PELI2: variants seen among roughly 807,000 people sequenced by gnomAD.
PELI2 encodes the protein pellino E3 ubiquitin protein ligase family member 2, also known as E3 ubiquitin-protein ligase pellino homolog 2.
PELI2 carries 23 observed loss-of-function variants against 42.3 expected under a neutral mutation model. The ratio of observed to expected loss-of-function variants is 0.54; its 90% CI spans 0.39 to 0.77. The LOEUF is 0.77. PELI2 is among the 30% of genes least tolerant of loss of function. The pLI is 0.00. For synonymous variants in PELI2, 245 were observed against 212.2 expected, an observed-to-expected ratio of 1.15 and a Z score of -1.34; for missense variants, 463 against 553.2, an observed-to-expected ratio of 0.84 and a Z score of 1.64.
chr14:56,172,114 AC>A (rs1271200598), intron 1 of PELI2, among the ~76,000 whole-genome samples: 1 of 152,086 alleles, frequency 6.6e-6, no homozygotes. Flanking sequence ...GTAACCACCT[AC>A]CCCAAACTTA....
chr14:56,197,042 T>A lies in PELI2; in HGVS notation c.207+18578T>A, dbSNP rs242402. 1.2e-5 allele frequency among the ~76,000 whole-genome samples: 1 copy of A among 81,566 alleles called. No individual in the cohort carries two copies. The highest frequency in any genetic ancestry group is 3.6e-5 in the Non-Finnish European group (1 of 27,634). 53.5% of individuals were successfully genotyped at this position (81,566 alleles called of 152,430 possible). On this transcript the variant is annotated intron_variant, in intron 2 of 5. Transcript: ENST00000267460. The surrounding 1 kb of genome is among the most constrained non-coding windows in gnomAD (Gnocchi z 4.9). Reference sequence around the variant, plus strand: ...TTTAGATTTTTCTTGCATTAGAATTTTTTGTTTATTTAATTAATATTAATT... The same window carrying A: ...TTTAGATTTTTCTTGCATTAGAATTATTTGTTTATTTAATTAATATTAATT...
Position 56,297,583 on chromosome 14 carries a change from G to A in PELI2, c.*417G>A, listed in dbSNP as rs1026286319. 3.2e-5 allele frequency: 6 copies of A among 184,966 alleles called. No individual in the cohort carries two copies. Among genetic ancestry groups the A allele is most frequent in the East Asian group, 1.4e-4 (1 of 7,244 alleles). The allele number at this position is 184,966 out of a possible 1,614,324, so 11.5% of individuals were successfully genotyped here. Reference sequence around the variant, plus strand: ...CAGTGCAGTGTGGTGTAGGTGTTACGCGAAGGGCGCACAGTGTCTAGAAAT... The same window carrying A: ...CAGTGCAGTGTGGTGTAGGTGTTACACGAAGGGCGCACAGTGTCTAGAAAT... On this transcript the variant is annotated 3_prime_UTR_variant, in exon 6 of 6. Transcript: ENST00000267460.
chr14:56,171,483 T>C lies in PELI2; in HGVS notation c.78-6852T>C, dbSNP rs370886192. Among the ~76,000 whole-genome samples, 4 of 152,306 alleles carry C rather than the reference T, an allele frequency of 2.6e-5. No individual in the cohort carries two copies. In the South Asian group the frequency reaches 8.3e-4, roughly 32 times the overall value. On this transcript the variant is annotated intron_variant, in intron 1 of 5. Coordinates refer to ENST00000267460, the MANE Select transcript of PELI2 (RefSeq NM_021255.3). Reference sequence around the variant, plus strand: ...AAATTACTGAGTCTCAGGTATTCTGTTATAGCAGCACAAAACATACTAAGA... The same window carrying C: ...AAATTACTGAGTCTCAGGTATTCTGCTATAGCAGCACAAAACATACTAAGA...
intron 2 of PELI2, among the ~76,000 whole-genome samples, chr14:56,196,932 T>A (rs758513556): frequency 2.6e-5 from 4 of 152,246 alleles, no homozygotes; most frequent in Admixed American, 6.5e-5. Context: ...TTTATAAGTT[T>A]CTTGTTTTGC....
At position 56,118,643 on chromosome 14, in the gene PELI2, G is replaced by GCGA; in HGVS notation, c.-16_-15insACG. The GCGA allele has an allele frequency of 7.2e-7, 1 of 1,379,562 alleles. No individual in the cohort carries two copies. Among genetic ancestry groups the GCGA allele is most frequent in the Non-Finnish European group, 9.4e-7 (1 of 1,060,090 alleles). 85.5% of individuals were successfully genotyped at this position (1,379,562 alleles called of 1,614,324 possible). On this transcript the variant is annotated 5_prime_UTR_variant, in exon 1 of 6. Transcript: ENST00000267460. ...GGCGGCGGCGTCGGCGGCGGCGTCG[G>GCGA]CGGCCGAGCGGGGCTCCATGTTTTC... is the stretch of plus-strand genomic sequence containing the variant.
At chr14:56,211,083 G>A (rs1383614311) in intron 2 of PELI2, among the ~76,000 whole-genome samples, 3 of 152,154 alleles carry the variant, frequency 2.0e-5, no homozygotes, top group Non-Finnish European at 2.9e-5. Context: ...TTAGCCCACC[G>A]GTGGTACTTT....
At chr14:56,152,236 CT>C (rs1335072014) in intron 1 of PELI2, among the ~76,000 whole-genome samples, 1 of 152,170 alleles carries the variant, frequency 6.6e-6, no homozygotes, top group East Asian at 1.9e-4. Flanking sequence ...AGTTCTGCCA[CT>C]TAAGGCTGTA....
chr14:56,155,582 ATTT>A (rs5808846), intron 1 of PELI2, among the ~76,000 whole-genome samples: 10 of 127,852 alleles, frequency 7.8e-5, no homozygotes, highest in African/African-American at 9.3e-5. Context: ...CAAGTAATAC[ATTT>A]TTTTTTTTTT....
intron 2 of PELI2, among the ~76,000 whole-genome samples, chr14:56,239,075 C>A (rs994104882): frequency 6.6e-6 from 1 of 151,910 alleles, no homozygotes; most frequent in Admixed American, 6.6e-5. Flanking sequence ...TTCAGAGAGG[C>A]CTTTTTATGC....
At chr14:56,146,778 G>C (rs939487838) in intron 1 of PELI2, among the ~76,000 whole-genome samples, 9 of 151,780 alleles carry the variant, frequency 5.9e-5, no homozygotes, top group African/African-American at 2.2e-4. Context: ...ATAAGATAAA[G>C]GTCTTCTTTT....
chr14:56,166,565 G>T (rs896923288), intron 1 of PELI2, among the ~76,000 whole-genome samples: 2 of 152,136 alleles, frequency 1.3e-5, no homozygotes, highest in Non-Finnish European at 2.9e-5. Context: ...TGGTATTGAT[G>T]AAATTTCTCA....
At chr14:56,290,947 A>C (rs1889807778) in intron 5 of PELI2, among the ~76,000 whole-genome samples, 1 of 152,222 alleles carries the variant, frequency 6.6e-6, no homozygotes, top group Admixed American at 6.5e-5. Flanking sequence ...CACCAAAATC[A>C]TAGTTACAAC....
intron 2 of PELI2, among the ~76,000 whole-genome samples, chr14:56,214,635 G>A (rs1886832991): frequency 6.6e-6 from 1 of 152,180 alleles, no homozygotes; most frequent in Non-Finnish European, 1.5e-5. Context: ...GTCAGGGGCA[G>A]CCTTGGAGCA....
intron 2 of PELI2, among the ~76,000 whole-genome samples, chr14:56,184,880 AAAAG>A (rs1885713810): frequency 6.6e-6 from 1 of 152,124 alleles, no homozygotes; most frequent in African/African-American, 2.4e-5. Context: ...ACATCAAATA[AAAAG>A]ATCATACCAG....
intron 2 of PELI2, among the ~76,000 whole-genome samples, chr14:56,267,659 G>T (rs115763049): frequency 6.6e-6 from 1 of 152,026 alleles, no homozygotes; most frequent in African/African-American, 2.4e-5. Context: ...CTAGAATGTG[G>T]CCTTATTGAT....
intron 2 of PELI2, among the ~76,000 whole-genome samples, chr14:56,222,057 T>C (rs1222035961): frequency 7.0e-6 from 1 of 143,838 alleles, no homozygotes. Context: ...GCTGCTATTC[T>C]TTTTTAGCTT....
intron 2 of PELI2, among the ~76,000 whole-genome samples, chr14:56,194,046 T>C (rs1886045084): frequency 1.3e-5 from 2 of 152,240 alleles, no homozygotes; most frequent in African/African-American, 4.8e-5. Flanking sequence ...TACAAGTCTT[T>C]TACAACGTTG....
At position 56,290,343 on chromosome 14, in the gene PELI2, C is replaced by T. The variant is rs143452445; in HGVS notation, c.583C>T (p.Pro195Ser). Residue 195 changes from proline (P) to serine (S), a missense_variant, in exon 5 of 6, where the codon CCA becomes TCA. Pro to Ser is a moderately conservative substitution (Grantham distance 74). Coordinates refer to ENST00000267460, the MANE Select transcript of PELI2 (RefSeq NM_021255.3). ...TACTAATGGCGTCCTGGTGATGCAT[C>T]CACGAGGGGGCTTCACCGAGGAGTC... ...LTTNGVLVMHPRGGFTEESQP... is the reference protein window; with the variant it reads ...LTTNGVLVMHSRGGFTEESQP... 7 of 1,613,444 alleles carry T rather than the reference C, an allele frequency of 4.3e-6. No individual in the cohort carries two copies. Among genetic ancestry groups the T allele is most frequent in the Admixed American group, 1.7e-5 (1 of 59,980 alleles).
intron 5 of PELI2, among the ~76,000 whole-genome samples, 199 bp from the exon 6 acceptor site, chr14:56,296,401 A>G (rs1890003153): frequency 6.6e-6 from 1 of 152,208 alleles, no homozygotes; most frequent in African/African-American, 2.4e-5. Context: ...CATACGGCAT[A>G]TATGTATCAT....
Sources: gnomAD v4.1 joint callset for allele counts (sites outside exome capture counted in the v4.1 genomes callset) on GRCh38, gnomAD v4.1.1 for gene constraint, Gnocchi (gnomAD v3.1) non-coding constraint, MANE v1.5 for transcripts, NCBI Gene and HGNC (gene_info 2026-07-23, HGNC 2026-07-21) for gene names.